The following SPATA17 variants were observed in gnomAD, a reference collection of about 807,000 sequenced individuals.
SPATA17 encodes spermatogenesis associated 17, also known as spermatogenesis-associated protein 17.
A neutral mutation model predicts 62.2 loss-of-function variants in SPATA17; 53 were observed. That is an observed-to-expected ratio of 0.85 (90% confidence interval 0.68 to 1.07). SPATA17 has a LOEUF of 1.07. Among genes scored for constraint, SPATA17 ranks in the 50% least tolerant of loss-of-function variants. SPATA17 has a pLI of 0.00. For missense variants in SPATA17, 466 were observed against 425.5 expected (o/e 1.10, Z -0.84); for synonymous variants, 146 against 146.8 (o/e 0.99, Z 0.04).
chr1:217,791,834 A>G (rs530490397), intron 8 of SPATA17, among the ~76,000 whole-genome samples: 13 of 152,266 alleles, frequency 8.5e-5, no homozygotes, highest in African/African-American at 2.9e-4. Flanking sequence ...ATGGGAGTCA[A>G]TGGGGTCAGA....
chr1:217,672,070 T>G (rs1670843200), intron 4 of SPATA17, among the ~76,000 whole-genome samples: 1 of 152,142 alleles, frequency 6.6e-6, no homozygotes, highest in East Asian at 1.9e-4. Flanking sequence ...CCAGCCAATT[T>G]ATTTGTAAGT....
chr1:217,754,048 C>A (rs1279884471), intron 6 of SPATA17, among the ~76,000 whole-genome samples: 2 of 151,936 alleles, frequency 1.3e-5, no homozygotes, highest in African/African-American at 4.8e-5. Flanking sequence ...CCTGCCTGGG[C>A]AACATGGCAA....
Position 217,634,241 on chromosome 1 carries a change from T to C in SPATA17, c.68+2795T>C, listed in dbSNP as rs182373794. Reference sequence around the variant, plus strand: ...GGCAATTGCAATAAAGAAAGAATAATTCACACAGACCCGGTTGTGTGGGAG... The same window carrying C: ...GGCAATTGCAATAAAGAAAGAATAACTCACACAGACCCGGTTGTGTGGGAG... On this transcript the variant is annotated intron_variant, in intron 1 of 10. Transcript: ENST00000366933. Among the ~76,000 whole-genome samples, 5 of 152,322 alleles carry C rather than the reference T, an allele frequency of 3.3e-5. No individual in the cohort carries two copies. In the East Asian group the frequency reaches 9.7e-4, roughly 29 times the overall value.
At chr1:217,670,666 C>T (rs777353898) in intron 4 of SPATA17, among the ~76,000 whole-genome samples, 2 of 152,170 alleles carry the variant, frequency 1.3e-5, no homozygotes, top group East Asian at 1.9e-4. Context: ...AATTCCCACA[C>T]CTGGCCGGGT....
At chr1:217,687,595 G>A (rs924002926) in intron 5 of SPATA17, among the ~76,000 whole-genome samples, 2 of 151,944 alleles carry the variant, frequency 1.3e-5, no homozygotes, top group Non-Finnish European at 1.5e-5. Flanking sequence ...TATAGTATTC[G>A]GTACAGCATC....
At chr1:217,642,349 A>G (rs1421805845) in intron 1 of SPATA17, among the ~76,000 whole-genome samples, 1 of 152,154 alleles carries the variant, frequency 6.6e-6, no homozygotes, top group Non-Finnish European at 1.5e-5. Context: ...ATAGTTTCCT[A>G]TTTTATTCAG....
intron 5 of SPATA17, among the ~76,000 whole-genome samples, chr1:217,727,504 T>C (rs568400483): frequency 6.6e-6 from 1 of 152,156 alleles, no homozygotes; most frequent in African/African-American, 2.4e-5. Flanking sequence ...AAATGTATGA[T>C]TGCATAAATT....
At chr1:217,787,632 T>C (rs1414173374) in intron 8 of SPATA17, among the ~76,000 whole-genome samples, 2 of 152,222 alleles carry the variant, frequency 1.3e-5, no homozygotes, top group South Asian at 2.1e-4. Flanking sequence ...CCTTAAACAC[T>C]ATTAACTGAT....
At chr1:217,750,321 C>T (rs1672876066) in intron 6 of SPATA17, among the ~76,000 whole-genome samples, 1 of 151,774 alleles carries the variant, frequency 6.6e-6, no homozygotes, top group Non-Finnish European at 1.5e-5. Context: ...TGAGGCAATG[C>T]CTAGAGTATA....
At chr1:217,816,862 T>C (rs1333310851) in intron 9 of SPATA17, among the ~76,000 whole-genome samples, 2 of 152,064 alleles carry the variant, frequency 1.3e-5, no homozygotes, top group African/African-American at 2.4e-5. Context: ...CTCTCTCTAG[T>C]TTATAAAGTG....
chr1:217,755,202 A>G (rs917864372), intron 6 of SPATA17, among the ~76,000 whole-genome samples: 5 of 152,116 alleles, frequency 3.3e-5, no homozygotes, highest in African/African-American at 7.2e-5. Flanking sequence ...TATGATTTTA[A>G]GTATTTTAGT....
At chr1:217,854,668 C>G (rs546151521) in intron 9 of SPATA17, among the ~76,000 whole-genome samples, 1 of 151,972 alleles carries the variant, frequency 6.6e-6, no homozygotes, top group Non-Finnish European at 1.5e-5. Context: ...ATTGAATGTA[C>G]GGAGAGACCT....
In SPATA17 at chr1:217,774,424, C is replaced by T. The variant is rs754024056; in HGVS notation, c.610C>T (p.Pro204Ser). Residue 204 changes from proline to serine, a missense_variant, in exon 7 of 11, where the codon CCT becomes TCT. Transcript: ENST00000366933. ...GGCAAAGCCTTTAACACACCGAAGA[C>T]CTAAAGTTAAGCAGAAGGACTCCAC... Reference protein sequence around the residue: ...QKAKPLTHRRPKVKQKDSTSL... With the variant: ...QKAKPLTHRRSKVKQKDSTSL... 1.9e-6 allele frequency: 3 copies of T among 1,614,074 alleles called. No homozygotes were observed. The highest frequency in any genetic ancestry group is 2.5e-6 in the Non-Finnish European group (3 of 1,179,984).
In SPATA17 at chr1:217,792,749, G is replaced by A. The variant is rs149517848; in HGVS notation, c.873-8969G>A. On this transcript the variant is annotated intron_variant, in intron 8 of 10. Coordinates refer to ENST00000366933, the MANE Select transcript of SPATA17 (RefSeq NM_138796.4). ...ACTAATAGACCACGACTGTGGTCTCGGGGAGGGGTGTCCCATTATATCAAA... is the reference window on the plus strand; with the variant it reads ...ACTAATAGACCACGACTGTGGTCTCAGGGAGGGGTGTCCCATTATATCAAA... Among the ~76,000 whole-genome samples, 654 of 152,160 alleles carry A rather than the reference G, an allele frequency of 4.3e-3. 1 individual carries two copies. The highest frequency in any genetic ancestry group is 6.5e-3 in the Non-Finnish European group (445 of 67,990).
chr1:217,658,638 G>A (rs1253786916), intron 3 of SPATA17, among the ~76,000 whole-genome samples: 1 of 152,002 alleles, frequency 6.6e-6, no homozygotes, highest in Non-Finnish European at 1.5e-5. Context: ...GGTGCCTGTA[G>A]TCCTAGCTAC....
At chr1:217,634,481 G>C (rs549806308) in intron 1 of SPATA17, among the ~76,000 whole-genome samples, 1 of 152,060 alleles carries the variant, frequency 6.6e-6, no homozygotes, top group Admixed American at 6.5e-5. Flanking sequence ...CAATCTGGGT[G>C]GTGCCAGCTG....
chr1:217,750,344 G>C (rs1438864709), intron 6 of SPATA17, among the ~76,000 whole-genome samples: 1 of 151,886 alleles, frequency 6.6e-6, no homozygotes, highest in Non-Finnish European at 1.5e-5. Context: ...GACCCAAATG[G>C]ACATAAAATT....
At chr1:217,684,570 AC>A (rs1671172791) in intron 5 of SPATA17, among the ~76,000 whole-genome samples, 1 of 151,936 alleles carries the variant, frequency 6.6e-6, no homozygotes, top group African/African-American at 2.4e-5. Context: ...GCATGCCACC[AC>A]GCCCAGCTAA....
At chr1:217,652,228 T>C (rs190118067) in intron 3 of SPATA17, among the ~76,000 whole-genome samples, 51 of 152,314 alleles carry the variant, frequency 3.3e-4, no homozygotes, top group African/African-American at 1.1e-3. Flanking sequence ...AGTCTGAGTA[T>C]AGTATGTCTT....
Sources: gnomAD v4.1 joint callset for allele counts (sites outside exome capture counted in the v4.1 genomes callset) on GRCh38, gnomAD v4.1.1 for gene constraint, MANE v1.5 for transcripts, NCBI Gene and HGNC (gene_info 2026-07-23, HGNC 2026-07-21) for gene names.